Variants in WNK1 observed in about 807,000 individuals in gnomAD.
The protein encoded by WNK1 is serine/threonine-protein kinase WNK1.
WNK1 carries 38 observed loss-of-function variants against 222.8 expected under a neutral mutation model. The ratio of observed to expected loss-of-function variants is 0.17; its 90% CI spans 0.13 to 0.22. The LOEUF is 0.22. WNK1 is among the 10% of genes least tolerant of loss of function. WNK1 has a pLI of 1.00. For synonymous variants in WNK1, 1,090 were observed against 1,092.9 expected (o/e 1.00, Z 0.05); for missense variants, 2,348 against 2,918.4 (o/e 0.80, Z 4.50).
At chr12:767,008 C>T (rs1419970446) in intron 1 of WNK1, among the ~76,000 whole-genome samples, 2 of 151,970 alleles carry the variant, frequency 1.3e-5, no homozygotes, top group Non-Finnish European at 2.9e-5. Flanking sequence ...AACTCCTGAC[C>T]TCAAGCGGTC....
intron 22 of WNK1, among the ~76,000 whole-genome samples, chr12:893,053 G>C (rs150676893): frequency 2.0e-5 from 3 of 152,230 alleles, no homozygotes; most frequent in African/African-American, 4.8e-5. Context: ...CCAGGATTTC[G>C]AGACCAGCCT....
Position 861,028 on chromosome 12 carries a change from G to T in WNK1, c.1636G>T (p.Val546Phe). The change falls in exon 7 of 28, where the codon GTC becomes TTC. Residue 546 changes from valine to phenylalanine, a missense_variant. Physicochemically the swap from Val to Phe is conservative, Grantham distance 50 (BLOSUM62 -1). Around this residue, in one of 13 missense-constraint regions of WNK1, gnomAD observed 103 missense variants for 111.5 expected, o/e 0.92. Coordinates refer to ENST00000315939, the MANE Select transcript of WNK1 (RefSeq NM_018979.4). Reference protein sequence around the residue: ...VAQEMVESGYVCEGDHKTMAK... With the variant: ...VAQEMVESGYFCEGDHKTMAK... Reference sequence around the variant, plus strand: ...TATTCTGTAGGTAGAGTCTGGGTATGTCTGTGAAGGTGATCACAAGACCAT... The same window carrying T: ...TATTCTGTAGGTAGAGTCTGGGTATTTCTGTGAAGGTGATCACAAGACCAT... The T allele has an allele frequency of 6.2e-7, 1 of 1,613,208 alleles. No homozygotes were observed. Among genetic ancestry groups the T allele is most frequent in the Non-Finnish European group, 8.5e-7 (1 of 1,179,828 alleles).
intron 1 of WNK1, among the ~76,000 whole-genome samples, chr12:757,989 C>T (rs1034538050): frequency 3.6e-5 from 5 of 139,838 alleles, no homozygotes; most frequent in Non-Finnish European, 6.3e-5. Context: ...GAGTCGAGAT[C>T]GCACCACTGC....
intron 17 of WNK1, 116 bp downstream of exon 17, chr12:883,947 G>C (rs1435451382): frequency 3.3e-6 from 5 of 1,492,814 alleles, no homozygotes; most frequent in Non-Finnish European, 4.6e-6. Context: ...AGAATCGCTT[G>C]AACCCAGGAG....
intron 4 of WNK1, among the ~76,000 whole-genome samples, chr12:831,721 C>T (rs568215849): frequency 2.8e-4 from 42 of 151,366 alleles, no homozygotes; most frequent in Non-Finnish European, 4.4e-4. Context: ...CATTTTTAAA[C>T]TTTCTCAGGT....
intron 26 of WNK1, 75 bp from the exon 27 acceptor site, chr12:907,772 C>A: frequency 6.5e-7 from 1 of 1,537,348 alleles, no homozygotes; most frequent in Non-Finnish European, 9.0e-7. Flanking sequence ...CATTCATCAT[C>A]CCGTGAAGTT....
rs758286005 is a variant in WNK1 at position 868,593 on chromosome 12, C to T, written c.2140-2672C>T. 3.7e-6 allele frequency: 6 copies of T among 1,613,904 alleles called. No individual in the cohort carries two copies. The highest frequency in any genetic ancestry group is 1.6e-4 in the Middle Eastern group (1 of 6,084). On this transcript the variant is annotated intron_variant, in intron 8 of 27. Coordinates refer to ENST00000315939, the MANE Select transcript of WNK1 (RefSeq NM_018979.4). The stretch of plus-strand genomic sequence containing the variant: ...CCTCATTCTGCGCCTGCTGTGTTAA[C>T]TCATAACAATGAGAGCAGAAGCAAC...
intron 4 of WNK1, among the ~76,000 whole-genome samples, chr12:834,171 A>G (rs780439695): frequency 7.2e-5 from 11 of 152,188 alleles, no homozygotes; most frequent in Admixed American, 1.3e-4. Context: ...CCGTAGTACA[A>G]TGGAAGGAAA....
rs146024504 is a variant in WNK1, at chr12:884,973, C to A, written c.4169C>A (p.Thr1390Lys). The change falls in exon 19 of 28, where the codon ACA (threonine) becomes AAA (lysine). Residue 1390 changes from threonine (T) to lysine (K), a missense_variant. By Grantham distance (78) the Thr-to-Lys change is moderately conservative. This residue lies in a region of WNK1 where 1,144 missense variants were observed against 1,273.6 expected (regional missense o/e 0.90). Transcript: ENST00000315939. The surrounding 1 kb of genome is among the most constrained non-coding windows in gnomAD (Gnocchi z 5.6). Reference sequence around the variant, plus strand: ...GGGATTGCTGGAGTTGCCACCAGCACAGGTGTGGTAACTTCAGGTGGTCTC... The same window carrying A: ...GGGATTGCTGGAGTTGCCACCAGCAAAGGTGTGGTAACTTCAGGTGGTCTC... ...EEGIAGVATS[T>K]GVVTSGGLPI... The A allele has an allele frequency of 2.5e-6, 4 of 1,614,058 alleles. No individual in the cohort carries two copies. The African/African-American group carries it at 5.3e-5, about 22-fold the overall frequency.
intron 4 of WNK1, among the ~76,000 whole-genome samples, chr12:846,781 T>C (rs1291708421): frequency 6.6e-6 from 1 of 152,204 alleles, no homozygotes; most frequent in Non-Finnish European, 1.5e-5. Context: ...TTTTAGTTTT[T>C]ATATAACAGA....
intron 4 of WNK1, among the ~76,000 whole-genome samples, chr12:843,517 G>C (rs897101141): frequency 3.3e-5 from 5 of 152,294 alleles, no homozygotes; most frequent in Non-Finnish European, 7.4e-5. Flanking sequence ...CTAATGTCTA[G>C]TCTAAAAGAA....
intron 8 of WNK1, chr12:865,226 C>T: frequency 1.3e-6 from 2 of 1,536,118 alleles, no homozygotes; most frequent in East Asian, 2.4e-5. Context: ...GCACCTCTTT[C>T]TCCTTCCCTC....
Position 911,261 on chromosome 12 carries a change from T to TAACA in WNK1, c.*2471_*2474dup, listed in dbSNP as rs1286600306. The TAACA allele has an allele frequency of 2.5e-6, 1 of 398,504 alleles. No individual in the cohort carries two copies. The highest frequency in any genetic ancestry group is 4.4e-6 in the Non-Finnish European group (1 of 226,068). 24.7% of individuals were successfully genotyped at this position (398,504 alleles called of 1,614,324 possible). Reference sequence around the variant, plus strand: ...TTATAAATGTTTTCCTTACATTATTTAACAATGTACACTGTTAAAAATAAA... The same window carrying TAACA: ...TTATAAATGTTTTCCTTACATTATTTAACAAACAATGTACACTGTTAAAAATAAA... On this transcript the variant is annotated 3_prime_UTR_variant, in exon 28 of 28. Transcript: ENST00000315939.
At chr12:859,547 G>T (rs547414860) in intron 6 of WNK1, 83 bp downstream of exon 6, 18 of 1,036,518 alleles carry the variant, frequency 1.7e-5, no homozygotes, top group South Asian at 1.7e-4. Context: ...AGTTGATGAA[G>T]TGCCGTGTGT....
intron 1 of WNK1, among the ~76,000 whole-genome samples, chr12:762,934 TG>T (rs1941225775): frequency 6.8e-6 from 1 of 145,996 alleles, no homozygotes; most frequent in Non-Finnish European, 1.5e-5. Context: ...TTAGTAGAGG[TG>T]GGGTTTCTCC....
intron 1 of WNK1, among the ~76,000 whole-genome samples, chr12:813,193 G>A (rs923152553): frequency 1.6e-4 from 25 of 152,188 alleles, no homozygotes; most frequent in Admixed American, 1.6e-3. Flanking sequence ...TGATAGCACC[G>A]CTGCATTCCA....
At chr12:853,076 C>A (rs527632316) in intron 4 of WNK1, among the ~76,000 whole-genome samples, 5 of 152,246 alleles carry the variant, frequency 3.3e-5, no homozygotes, top group Admixed American at 2.0e-4. Flanking sequence ...TTAATACCAG[C>A]TACTGGACTG....
intron 1 of WNK1, among the ~76,000 whole-genome samples, chr12:755,271 CA>C (rs1404082543): frequency 3.9e-5 from 6 of 152,190 alleles, no homozygotes; most frequent in Admixed American, 3.9e-4. Context: ...TGAAGGAAGT[CA>C]GCCACATTAT....
chr12:876,411 A>C (rs925383261), intron 9 of WNK1, among the ~76,000 whole-genome samples: 5 of 152,220 alleles, frequency 3.3e-5, no homozygotes, highest in African/African-American at 1.2e-4. Context: ...TCCGTGTCAA[A>C]AAAAAAGAAT....
Sources: allele counts gnomAD v4.1 joint callset (sites outside exome capture counted in the v4.1 genomes callset), GRCh38; gene constraint gnomAD v4.1.1; regional missense constraint gnomAD v4.1.1; non-coding constraint Gnocchi (gnomAD v3.1); transcripts MANE v1.5; gene names NCBI Gene and HGNC (gene_info 2026-07-23, HGNC 2026-07-21).